Variants in ATP2B2 observed in about 807,000 individuals in gnomAD.
The protein encoded by ATP2B2 is ATPase plasma membrane Ca2+ transporting 2.
A neutral mutation model predicts 120.0 loss-of-function variants in ATP2B2; 15 were observed. The observed-to-expected ratio is 0.12, with a 90% CI of 0.08 to 0.19. The LOEUF (loss-of-function observed/expected upper bound fraction) is 0.19. Among genes scored for constraint, ATP2B2 ranks in the 10% least tolerant of loss-of-function variants. The probability of loss-of-function intolerance (pLI) is 1.00; values close to 1 mark genes in which losing one functional copy is unlikely to be tolerated. For synonymous variants in ATP2B2, 694 were observed against 700.3 expected, an observed-to-expected ratio of 0.99 and a Z score of 0.14; for missense variants, 1,045 against 1,719.8, an observed-to-expected ratio of 0.61 and a Z score of 6.94.
chr3:10,619,648 G>A (rs1575564660), intron 2 of ATP2B2, among the ~76,000 whole-genome samples: 2 of 152,224 alleles, frequency 1.3e-5, no homozygotes, highest in East Asian at 3.8e-4. Flanking sequence ...AAATAAGCCC[G>A]AACTGCAGCT....
chr3:10,706,598 G>T (rs976320331), intron 1 of ATP2B2, among the ~76,000 whole-genome samples: 1 of 152,164 alleles, frequency 6.6e-6, no homozygotes, highest in African/African-American at 2.4e-5. Flanking sequence ...GAAGGCCACG[G>T]GAATGATTAA....
chr3:10,430,372 G>T (rs1388519419), intron 2 of ATP2B2, among the ~76,000 whole-genome samples: 1 of 152,182 alleles, frequency 6.6e-6, no homozygotes, highest in East Asian at 1.9e-4. Context: ...AAGAACATTG[G>T]TGGTTCACAA....
intron 2 of ATP2B2, among the ~76,000 whole-genome samples, chr3:10,440,102 A>T (rs1477646175): frequency 1.2e-4 from 9 of 72,294 alleles, no homozygotes; most frequent in South Asian, 1.3e-3. Context: ...ACTCTATCTA[A>T]AAAAAAAAAA....
intron 3 of ATP2B2, among the ~76,000 whole-genome samples, chr3:10,522,534 T>A (rs955282458): frequency 7.9e-5 from 12 of 152,194 alleles, no homozygotes; most frequent in African/African-American, 2.7e-4. Context: ...GTTGGACTTG[T>A]TAGCTGGAGA....
chr3:10,510,096 A>G (rs2066729822), upstream of ATP2B2, among the ~76,000 whole-genome samples: 1 of 152,192 alleles, frequency 6.6e-6, no homozygotes, highest in Non-Finnish European at 1.5e-5. Context: ...CCCAGATAGC[A>G]TCTGCAGGGC....
chr3:10,386,453 A>G, intron 7 of ATP2B2, 27 bp downstream of exon 7: 1 of 1,612,358 alleles, frequency 6.2e-7, no homozygotes, highest in Non-Finnish European at 8.5e-7. Flanking sequence ...CTAAAAGCCC[A>G]TCTACCCTGA....
intron 1 of ATP2B2, among the ~76,000 whole-genome samples, chr3:10,465,056 G>A (rs555896119): frequency 1.3e-5 from 2 of 152,312 alleles, no homozygotes. Flanking sequence ...GCTGCTCTGG[G>A]GAGGCCTAAG....
intron 2 of ATP2B2, among the ~76,000 whole-genome samples, chr3:10,618,231 ACT>A (rs2069449846): frequency 6.6e-6 from 1 of 152,210 alleles, no homozygotes. Flanking sequence ...TGGGCAAGTC[ACT>A]TCACTTCTCT....
At chr3:10,538,661 C>T (rs533706855) in intron 2 of ATP2B2, among the ~76,000 whole-genome samples, 25 of 152,224 alleles carry the variant, frequency 1.6e-4, no homozygotes, top group African/African-American at 3.4e-4. Context: ...AAAAGGCCTT[C>T]GACAAAATTC....
chr3:10,349,419 C>T (rs962829847), intron 16 of ATP2B2, among the ~76,000 whole-genome samples: 5 of 152,126 alleles, frequency 3.3e-5, no homozygotes, highest in Admixed American at 1.3e-4. Flanking sequence ...CACACCACTG[C>T]ACTCTAGCTT....
At chr3:10,555,595 A>G (rs1271498935) in intron 2 of ATP2B2, among the ~76,000 whole-genome samples, 1 of 152,190 alleles carries the variant, frequency 6.6e-6, no homozygotes, top group African/African-American at 2.4e-5. Flanking sequence ...GCTCCAACAC[A>G]TCTCTGGCCC....
At chr3:10,661,880 T>C (rs2070790349) in intron 1 of ATP2B2, among the ~76,000 whole-genome samples, 1 of 152,182 alleles carries the variant, frequency 6.6e-6, no homozygotes, top group Non-Finnish European at 1.5e-5. Flanking sequence ...CAAAACAGCA[T>C]AGTACTGGTA....
intron 1 of ATP2B2, chr3:10,626,347 T>C (rs1402453074): frequency 6.6e-6 from 1 of 152,258 alleles, no homozygotes; most frequent in East Asian, 1.9e-4. Context: ...CTTGGTGTGA[T>C]CCTCACAAGC....
At chr3:10,416,088 C>T (rs148381812) in intron 2 of ATP2B2, among the ~76,000 whole-genome samples, 1 of 152,198 alleles carries the variant, frequency 6.6e-6, no homozygotes, top group East Asian at 1.9e-4. Flanking sequence ...TAAAGGCATG[C>T]ACTTTTACTG....
At position 10,539,560 on chromosome 3, in the gene ATP2B2, C is replaced by T. The variant is rs546269662; in HGVS notation, c.-414-5427G>A. The stretch of plus-strand genomic sequence containing the variant: ...CCAAACAGAGCCCTCGGAAATAATA[C>T]CACAAATCTACAACCATCTGATCTT... On this transcript the variant is annotated intron_variant, in intron 2 of 21. Coordinates refer to the ATP2B2 transcript ENST00000646379. Among the ~76,000 whole-genome samples the T allele has an allele frequency of 6.6e-5, 10 of 152,258 alleles. No individual in the cohort carries two copies. The South Asian group carries it at 1.7e-3, about 25-fold the overall frequency.
intron 14 of ATP2B2, among the ~76,000 whole-genome samples, chr3:10,354,468 CA>C (rs1309609305): frequency 6.6e-6 from 1 of 152,200 alleles, no homozygotes; most frequent in Admixed American, 6.5e-5. Flanking sequence ...TTCCTGTTTT[CA>C]TTAAATAAAG....
At chr3:10,658,984 T>C (rs1048735068) in intron 1 of ATP2B2, among the ~76,000 whole-genome samples, 3 of 152,124 alleles carry the variant, frequency 2.0e-5, no homozygotes, top group Non-Finnish European at 2.9e-5. Flanking sequence ...ATTTCATATC[T>C]AGTCAAACTA....
rs972583758 is a variant in ATP2B2 at position 10,599,775 on chromosome 3, T to A, written c.-415+20142A>T. Among the ~76,000 whole-genome samples, 3 of 125,372 alleles carry A rather than the reference T, an allele frequency of 2.4e-5. No homozygotes were observed. The Admixed American group carries it at 2.9e-4, about 12-fold the overall frequency. 82.2% of individuals were successfully genotyped at this position (125,372 alleles called of 152,430 possible). On this transcript the variant is annotated intron_variant, in intron 2 of 21. Coordinates refer to the ATP2B2 transcript ENST00000646379. The stretch of plus-strand genomic sequence containing the variant: ...GCATGAGAAAAATAAAGCCCTGTGC[T>A]CATGGAATGGAGCTCGTGTTCTATA...
chr3:10,377,581 C>G (rs1226296091), intron 10 of ATP2B2, among the ~76,000 whole-genome samples: 1 of 152,230 alleles, frequency 6.6e-6, no homozygotes, highest in Non-Finnish European at 1.5e-5. Context: ...GGGGCTGTCA[C>G]CAGCCATCAC....
Sources: gnomAD v4.1 joint callset for allele counts (sites outside exome capture counted in the v4.1 genomes callset) on GRCh38, gnomAD v4.1.1 for gene constraint, MANE v1.5 for transcripts, NCBI Gene and HGNC (gene_info 2026-07-23, HGNC 2026-07-21) for gene names.